XKR3: variants seen among roughly 807,000 people sequenced by gnomAD.
XKR3 encodes XK related 3, also known as XK-related protein 3.
A neutral mutation model predicts 40.3 loss-of-function variants in XKR3; 27 were observed. The observed-to-expected ratio is 0.67, with a 90% CI of 0.49 to 0.92. The LOEUF is 0.92. Among genes scored for constraint, XKR3 ranks in the 40% least tolerant of loss-of-function variants. XKR3 has a pLI of 0.00. For missense variants in XKR3, 472 were observed against 537.6 expected, an observed-to-expected ratio of 0.88 and a Z score of 1.21; for synonymous variants, 193 against 195.4, an observed-to-expected ratio of 0.99 and a Z score of 0.10.
chr22:16,793,593 G>A (rs2060129440), intron 3 of XKR3, among the ~76,000 whole-genome samples: 2 of 152,122 alleles, frequency 1.3e-5, no homozygotes, highest in Non-Finnish European at 2.9e-5. Context: ...ACCACCCAGA[G>A]ACAAAACTTC....
At chr22:16,820,936 A>G (rs980457406) in intron 1 of XKR3, among the ~76,000 whole-genome samples, 38 of 152,180 alleles carry the variant, frequency 2.5e-4, no homozygotes, top group African/African-American at 8.0e-4. Context: ...CTTTTGTGAT[A>G]GAATACCCTT....
At chr22:16,818,208 A>G (rs1450563298) in intron 1 of XKR3, among the ~76,000 whole-genome samples, 1 of 152,080 alleles carries the variant, frequency 6.6e-6, no homozygotes, top group African/African-American at 2.4e-5. Flanking sequence ...TTTGCTTTGT[A>G]CTTTAAAGCC....
chr22:16,816,998 G>C (rs2060236331), intron 1 of XKR3, among the ~76,000 whole-genome samples: 1 of 152,080 alleles, frequency 6.6e-6, no homozygotes, highest in Admixed American at 6.6e-5. Flanking sequence ...AAAATGAAAT[G>C]TGACATTTAC....
At chr22:16,796,967 A>G (rs1212717300) in intron 3 of XKR3, among the ~76,000 whole-genome samples, 2 of 152,212 alleles carry the variant, frequency 1.3e-5, no homozygotes, top group South Asian at 2.1e-4. Context: ...TGGGGCAAAA[A>G]TAGACACAGA....
At position 16,783,493 on chromosome 22, in the gene XKR3, A is replaced by G; in HGVS notation, c.*126T>C. 6.8e-6 allele frequency: 5 copies of G among 738,586 alleles called. No individual in the cohort carries two copies. Among genetic ancestry groups the G allele is most frequent in the Non-Finnish European group, 1.0e-5 (5 of 491,808 alleles). The allele number at this position is 738,586 out of a possible 1,614,324, so 45.8% of individuals were successfully genotyped here. A position where few individuals can be genotyped will look rare whatever the true frequency, so the allele number is the denominator to read the frequency against. On this transcript the variant is annotated 3_prime_UTR_variant, in exon 4 of 4. Transcript: ENST00000684488. ...TACTAAGGCACGTTCACAGGAGAACATAAATGAATTTTATTAGAAACCACT... is the reference window on the plus strand; with the variant it reads ...TACTAAGGCACGTTCACAGGAGAACGTAAATGAATTTTATTAGAAACCACT...
In XKR3 at chr22:16,807,793, C is replaced by G; in HGVS notation, c.281G>C (p.Arg94Thr). 14 of 1,613,076 alleles carry G rather than the reference C, an allele frequency of 8.7e-6. No homozygotes were observed. The highest frequency in any genetic ancestry group is 1.2e-5 in the Non-Finnish European group (14 of 1,179,464). ...ILMFFNKDLR[R>T]NKAALLFWHI... ...CCAAAAAAGTAATGCAGCCTTATTTCTCCTCAAGTCTTTGTTGAAAAACAT... is the reference window on the plus strand; with the variant it reads ...CCAAAAAAGTAATGCAGCCTTATTTGTCCTCAAGTCTTTGTTGAAAAACAT... The change falls in exon 2 of 4, where the codon AGA becomes ACA. Residue 94 changes from arginine (R) to threonine (T), a missense_variant. Physicochemically the swap from Arg to Thr is moderately conservative, Grantham distance 71. Coordinates refer to ENST00000684488, the MANE Select transcript of XKR3 (RefSeq NM_001386955.1).
At chr22:16,819,991 G>C (rs935009427) in intron 1 of XKR3, among the ~76,000 whole-genome samples, 15 of 152,110 alleles carry the variant, frequency 9.9e-5, no homozygotes, top group African/African-American at 3.6e-4. Flanking sequence ...CTACATCACT[G>C]CATCTATTAA....
intron 1 of XKR3, among the ~76,000 whole-genome samples, chr22:16,821,881 A>T (rs946718465): frequency 1.3e-5 from 2 of 152,104 alleles, no homozygotes; most frequent in African/African-American, 4.8e-5. Context: ...TAGCTGTTAC[A>T]TGGAGTTACA....
At chr22:16,786,008 A>G (rs2060088875) in intron 3 of XKR3, among the ~76,000 whole-genome samples, 1 of 152,182 alleles carries the variant, frequency 6.6e-6, no homozygotes, top group Non-Finnish European at 1.5e-5. Context: ...TTAACACTCC[A>G]TTTATTCCTT....
intron 3 of XKR3, among the ~76,000 whole-genome samples, chr22:16,796,138 C>T (rs2060139485): frequency 6.6e-6 from 1 of 151,988 alleles, no homozygotes; most frequent in Non-Finnish European, 1.5e-5. Context: ...ACACAATCTC[C>T]CAAGACTAAA....
At chr22:16,817,306 C>T (rs2060237769) in intron 1 of XKR3, among the ~76,000 whole-genome samples, 1 of 151,490 alleles carries the variant, frequency 6.6e-6, no homozygotes, top group Middle Eastern at 3.2e-3. Flanking sequence ...TTGAGTGTTC[C>T]CCTTAGTGTG....
At chr22:16,786,275 A>ACACACACACACAC in intron 3 of XKR3, among the ~76,000 whole-genome samples, 1 of 25,408 alleles carries the variant, frequency 3.9e-5, no homozygotes, top group South Asian at 1.5e-3. Flanking sequence ...CACACACACA[A>ACACACACACACAC]ATACACAAAT....
chr22:16,818,875 A>C (rs1255285120), intron 1 of XKR3, among the ~76,000 whole-genome samples: 1 of 152,082 alleles, frequency 6.6e-6, no homozygotes, highest in Admixed American at 6.6e-5. Context: ...TCTTTCCACT[A>C]CCCTACCCTA....
intron 2 of XKR3, among the ~76,000 whole-genome samples, chr22:16,802,585 G>A (rs1225489769): frequency 2.0e-5 from 3 of 152,020 alleles, no homozygotes; most frequent in Admixed American, 1.3e-4. Context: ...TCCTTCCCAG[G>A]TTCATGTGAT....
chr22:16,812,984 G>GT (rs990668423), intron 1 of XKR3, among the ~76,000 whole-genome samples: 3 of 151,866 alleles, frequency 2.0e-5, no homozygotes, highest in Non-Finnish European at 4.4e-5. Context: ...AACAATCACT[G>GT]TAGAAGATAA....
chr22:16,804,387 A>C (rs1357932060), intron 2 of XKR3, among the ~76,000 whole-genome samples: 1 of 152,108 alleles, frequency 6.6e-6, no homozygotes, highest in Non-Finnish European at 1.5e-5. Flanking sequence ...AGAAAGTAAA[A>C]ATATTTTACC....
intron 2 of XKR3, among the ~76,000 whole-genome samples, chr22:16,800,581 G>A (rs547227752): frequency 3.9e-5 from 6 of 152,132 alleles, no homozygotes; most frequent in African/African-American, 4.8e-5. Context: ...TTTTAAGACA[G>A]CAGTCTAAAA....
At chr22:16,800,064 G>A in intron 2 of XKR3, 40 bp from the exon 3 acceptor site, 2 of 1,590,208 alleles carry the variant, frequency 1.3e-6, no homozygotes, top group Non-Finnish European at 1.7e-6. Flanking sequence ...ACATTTATTG[G>A]TGACAGACAT....
chr22:16,811,700 T>G (rs1184772614), intron 1 of XKR3, among the ~76,000 whole-genome samples: 1 of 152,088 alleles, frequency 6.6e-6, no homozygotes, highest in Admixed American at 6.5e-5. Context: ...TGAACTTCAC[T>G]TTCTTATTAA....
Sources: gnomAD v4.1 joint callset for allele counts (sites outside exome capture counted in the v4.1 genomes callset) on GRCh38, gnomAD v4.1.1 for gene constraint, MANE v1.5 for transcripts, NCBI Gene and HGNC (gene_info 2026-07-23, HGNC 2026-07-21) for gene names.